SYNE3: variants seen among roughly 807,000 people sequenced by gnomAD.
SYNE3 encodes nesprin-3.
Under a neutral mutation model 111.2 loss-of-function variants are expected in SYNE3, and 100 were observed. The observed-to-expected ratio is 0.90, with a 90% CI of 0.77 to 1.06. SYNE3 has a LOEUF of 1.06. SYNE3 is among the 50% of genes least tolerant of loss of function. The probability of loss-of-function intolerance (pLI) is 0.00; values close to 1 mark genes in which losing one functional copy is unlikely to be tolerated. For synonymous variants in SYNE3, 547 were observed against 533.9 expected, an observed-to-expected ratio of 1.02 and a Z score of -0.34; for missense variants, 1,160 against 1,240.3, an observed-to-expected ratio of 0.94 and a Z score of 0.97.
At chr14:95,477,664 G>T (rs1334225180) in intron 1 of SYNE3, among the ~76,000 whole-genome samples, 1 of 152,260 alleles carries the variant, frequency 6.6e-6, no homozygotes, top group East Asian at 1.9e-4. Flanking sequence ...GCCAGGGGGA[G>T]GTGGGCGACG....
chr14:95,473,693 T>C (rs61586685), intron 2 of SYNE3, among the ~76,000 whole-genome samples: 61,991 of 135,752 alleles, frequency 0.46, 11,129 homozygotes, highest in South Asian at 0.53. Flanking sequence ...GAGCTAAGGC[T>C]GGTGTGAGCT....
At chr14:95,456,751 T>C (rs1373292498) in intron 5 of SYNE3, among the ~76,000 whole-genome samples, 1 of 152,092 alleles carries the variant, frequency 6.6e-6, no homozygotes, top group Non-Finnish European at 1.5e-5. Flanking sequence ...CCATGGGTTC[T>C]TATATATTCT....
chr14:95,447,134 TC>T (rs1292434298), intron 8 of SYNE3, among the ~76,000 whole-genome samples: 3 of 117,966 alleles, frequency 2.5e-5, no homozygotes, highest in Non-Finnish European at 5.3e-5. Context: ...AAGTGGTCAT[TC>T]TTTTTTTTTT....
chr14:95,416,611 C>T lies in SYNE3; in HGVS notation c.*1215G>A, dbSNP rs1282353595. On this transcript the variant is annotated 3_prime_UTR_variant, in exon 18 of 18. Transcript: ENST00000682763. Reference sequence around the variant, plus strand: ...TGCATGGAGCCCAGCTCGCCTACACCTGGCTGGAGAGGGCCTGGTTTTGGG... The same window carrying T: ...TGCATGGAGCCCAGCTCGCCTACACTTGGCTGGAGAGGGCCTGGTTTTGGG... 1 of 152,292 alleles carries T rather than the reference C, an allele frequency of 6.6e-6. No individual in the cohort carries two copies. The highest frequency in any genetic ancestry group is 1.5e-5 in the Non-Finnish European group (1 of 68,090). The allele number at this position is 152,292 out of a possible 1,614,324, so 9.4% of individuals were successfully genotyped here.
At chr14:95,505,065 C>A (rs1890480378) in intron 1 of SYNE3, among the ~76,000 whole-genome samples, 1 of 152,246 alleles carries the variant, frequency 6.6e-6, no homozygotes, top group Admixed American at 6.5e-5. Flanking sequence ...GCCTGGGAAG[C>A]AGCAGTGCTG....
chr14:95,435,739 TA>T (rs1380624260), intron 15 of SYNE3, among the ~76,000 whole-genome samples: 8 of 152,114 alleles, frequency 5.3e-5, no homozygotes, highest in African/African-American at 9.7e-5. Context: ...TAAGATTGCA[TA>T]AAAATAGGGA....
Position 95,416,338 on chromosome 14 carries a change from T to G in SYNE3, c.*1488A>C, listed in dbSNP as rs1903580767. 6.6e-6 allele frequency: 1 copy of G among 152,256 alleles called. No homozygotes were observed. The highest frequency in any genetic ancestry group is 2.4e-5 in the African/African-American group (1 of 41,476). 9.4% of individuals were successfully genotyped at this position (152,256 alleles called of 1,614,324 possible). On this transcript the variant is annotated 3_prime_UTR_variant, in exon 18 of 18. Transcript: ENST00000682763. ...AGGGCCTTTCTGGGTCTATAATACCTTATGATTCCAAAGCCGGACAGAAGG... is the reference window on the plus strand; with the variant it reads ...AGGGCCTTTCTGGGTCTATAATACCGTATGATTCCAAAGCCGGACAGAAGG...
rs528322868 is a variant in SYNE3, at chr14:95,444,679, C to T, written c.1633-51G>A. 9.9e-6 allele frequency: 15 copies of T among 1,511,940 alleles called. No individual in the cohort carries two copies. In the African/African-American group the frequency reaches 1.5e-4, roughly 15 times the overall value. 93.7% of individuals were successfully genotyped at this position (1,511,940 alleles called of 1,614,324 possible). On this transcript the variant is annotated intron_variant, in intron 9 of 17. Transcript: ENST00000682763. The stretch of plus-strand genomic sequence containing the variant: ...CATTAAGAGCGTTCCTCATGAGCAC[C>T]GTGTTGTGAGACCCGACCCGTTCAG...
Position 95,433,352 on chromosome 14 carries a change from C to T in SYNE3, c.2596G>A (p.Gly866Arg), listed in dbSNP as rs779223333. 73 of 1,614,010 alleles carry T rather than the reference C, an allele frequency of 4.5e-5. No homozygotes were observed. The highest frequency in any genetic ancestry group is 4.0e-4 in the South Asian group (36 of 91,074). Residue 866 changes from glycine (G) to arginine (R), a missense_variant, in exon 16 of 18, where the codon GGG (glycine) becomes AGG (arginine). Transcript: ENST00000682763. ...QHLFENLLRL[G>R]PARGTSDELE... ...TCATCCGAGGTCCCCCTTGCTGGCC[C>T]GAGACGAAGGAGGTTCTCAAAGAGA...
intron 7 of SYNE3, 79 bp downstream of exon 7, chr14:95,452,168 G>A: frequency 6.8e-7 from 1 of 1,475,490 alleles, no homozygotes; most frequent in Non-Finnish European, 9.1e-7. Flanking sequence ...GTAGGAGAAA[G>A]CAAGCCCGCC....
chr14:95,444,205 A>C, intron 10 of SYNE3: 1 of 456,478 alleles, frequency 2.2e-6, no homozygotes, highest in East Asian at 3.3e-5. Context: ...TAGCAAAGCA[A>C]TTCTAAAAAC....
intron 16 of SYNE3, 124 bp from the exon 17 acceptor site, chr14:95,432,241 C>A: frequency 8.8e-7 from 1 of 1,140,802 alleles, no homozygotes; most frequent in South Asian, 1.4e-5. Context: ...TTTAAAACTT[C>A]TGGTCATCTG....
intron 1 of SYNE3, among the ~76,000 whole-genome samples, chr14:95,482,781 G>A (rs965736861): frequency 1.3e-5 from 2 of 152,176 alleles, no homozygotes; most frequent in South Asian, 2.1e-4. Flanking sequence ...CAAAAGGTTT[G>A]TAGGTATTAA....
intron 17 of SYNE3, among the ~76,000 whole-genome samples, chr14:95,430,692 C>T (rs1325283812): frequency 6.6e-6 from 1 of 152,086 alleles, no homozygotes; most frequent in African/African-American, 2.4e-5. Context: ...GGTGTGGTAG[C>T]GCATGCCTGT....
At chr14:95,423,012 C>T (rs1885218102) in intron 17 of SYNE3, among the ~76,000 whole-genome samples, 1 of 152,210 alleles carries the variant, frequency 6.6e-6, no homozygotes, top group Non-Finnish European at 1.5e-5. Context: ...GAATTACAGC[C>T]CTGCGTTCGC....
intron 2 of SYNE3, among the ~76,000 whole-genome samples, chr14:95,468,205 T>C (rs932401492): frequency 1.3e-5 from 2 of 152,228 alleles, no homozygotes; most frequent in Non-Finnish European, 2.9e-5. Context: ...AATGGCTCTC[T>C]CCTTCCCCAC....
chr14:95,462,396 C>T (rs574483185), intron 4 of SYNE3, among the ~76,000 whole-genome samples: 2 of 152,208 alleles, frequency 1.3e-5, no homozygotes, highest in Admixed American at 6.5e-5. Context: ...GCTGAGAAAG[C>T]CAAAACTGAA....
In SYNE3 at chr14:95,433,325, G is replaced by T. The variant is rs1205889014; in HGVS notation, c.2623C>A (p.Leu875Met). 6.2e-7 allele frequency: 1 copy of T among 1,614,188 alleles called. No homozygotes were observed. Among genetic ancestry groups the T allele is most frequent in the Non-Finnish European group, 8.5e-7 (1 of 1,180,044 alleles). ...ATCCACTGGTAGCGCAGATCTTCCA[G>T]CTCATCCGAGGTCCCCCTTGCTGGC... ...LGPARGTSDELEDLRYQWMLY... is the reference protein window; with the variant it reads ...LGPARGTSDEMEDLRYQWMLY... The change falls in exon 16 of 18, where the codon CTG (leucine) becomes ATG (methionine). Residue 875 changes from leucine to methionine, a missense_variant. Leu to Met is a conservative substitution (Grantham distance 15). Transcript: ENST00000682763.
Sources: allele counts gnomAD v4.1 joint callset (sites outside exome capture counted in the v4.1 genomes callset), GRCh38; gene constraint gnomAD v4.1.1; transcripts MANE v1.5; gene names NCBI Gene and HGNC (gene_info 2026-07-23, HGNC 2026-07-21).